Variants in BOP1 observed in about 807,000 individuals in gnomAD.
The protein encoded by BOP1 is ribosome biogenesis protein BOP1.
A neutral mutation model predicts 82.9 loss-of-function variants in BOP1; 54 were observed. The observed-to-expected ratio is 0.65, with a 90% CI of 0.52 to 0.82. The LOEUF is 0.82. Among genes scored for constraint, BOP1 ranks in the 40% least tolerant of loss-of-function variants. The pLI is 0.00. For synonymous variants in BOP1, 566 were observed against 451.1 expected (o/e 1.25, Z -3.23); for missense variants, 1,170 against 1,072.0 (o/e 1.09, Z -1.28).
chr8:144,271,530 C>G (rs942452174), intron 3 of BOP1, among the ~76,000 whole-genome samples: 2 of 152,104 alleles, frequency 1.3e-5, no homozygotes, highest in Non-Finnish European at 2.9e-5. Flanking sequence ...TGTCTCGGAG[C>G]GCCACACGGC....
Position 144,264,001 on chromosome 8 carries a change from G to A in BOP1, c.1120C>T (p.Pro374Ser), listed in dbSNP as rs1295980578. ...FERCLDLYLCPRQRKMRVNVD... is the reference protein window; with the variant it reads ...FERCLDLYLCSRQRKMRVNVD... ...CACACCCTCATCTTGCGCTGCCGTG[G>A]GCACAGGTACAGGTCAAGGCAGCGC... is the stretch of plus-strand genomic sequence containing the variant. Residue 374 changes from proline to serine, a missense_variant, in exon 8 of 16, where the codon CCA (proline) becomes TCA (serine). Coordinates refer to ENST00000569669, the MANE Select transcript of BOP1 (RefSeq NM_015201.5). The A allele has an allele frequency of 9.9e-6, 16 of 1,609,280 alleles. No individual in the cohort carries two copies. Among genetic ancestry groups the A allele is most frequent in the Non-Finnish European group, 1.4e-5 (16 of 1,179,788 alleles).
Position 144,289,191 on chromosome 8 carries a change from A to G in BOP1, c.213T>C (p.Ser71=), listed in dbSNP as rs560509493. The change falls in exon 2 of 16, where the codon AGT becomes AGC. Residue 71 remains serine (S), a synonymous_variant. Coordinates refer to ENST00000569669, the MANE Select transcript of BOP1 (RefSeq NM_015201.5). ...CCTCGTCGCCTTCGTCATCATCCTC[A>G]CTGCTGTCACTGCCGGAATCTTCCA... ...SGLEDSGSDS[S]EDDDEGDEEG... is the part of the protein sequence containing the mutation. 1.2e-6 allele frequency: 2 copies of G among 1,613,912 alleles called. No homozygotes were observed. The highest frequency in any genetic ancestry group is 1.7e-5 in the Admixed American group (1 of 59,994).
intron 2 of BOP1, among the ~76,000 whole-genome samples, chr8:144,277,752 C>G (rs1845589701): frequency 1.2e-5 from 1 of 84,484 alleles, no homozygotes; most frequent in African/African-American, 2.9e-5. Context: ...CAGAGTCCAC[C>G]AGGGGGCGAC....
At position 144,262,836 on chromosome 8, in the gene BOP1, C is replaced by T. The variant is rs1554836636; in HGVS notation, c.1894+17G>A. The T allele has an allele frequency of 1.1e-6, 1 of 933,364 alleles. No homozygotes were observed. The highest frequency in any genetic ancestry group is 2.6e-5 in the Admixed American group (1 of 38,110). The allele number at this position is 933,364 out of a possible 1,614,324, so 57.8% of individuals were successfully genotyped here. A position where few individuals can be genotyped will look rare whatever the true frequency, so the allele number is the denominator to read the frequency against. On this transcript the variant is annotated intron_variant, in intron 13 of 15. Coordinates refer to ENST00000569669, the MANE Select transcript of BOP1 (RefSeq NM_015201.5). ...CCCCACCCCTCACCTGCAGGGTGCA[C>T]CGCCCCCACCCCTCACCTGCAGGGT... is the stretch of plus-strand genomic sequence containing the variant.
At position 144,263,119 on chromosome 8, in the gene BOP1, T is replaced by A; in HGVS notation, c.1628A>T (p.His543Leu). 1.3e-6 allele frequency: 2 copies of A among 1,593,830 alleles called. No individual in the cohort carries two copies. The highest frequency in any genetic ancestry group is 1.7e-6 in the Non-Finnish European group (2 of 1,178,848). ...HGKPVTQVTW[H>L]GRGDYLAVVL... ...CACGGCCAGGTAGTCCCCACGCCCG[T>A]GCCAGGTCACCTGCGTCACTGGCTG... The change falls in exon 13 of 16, where the codon CAC becomes CTC. Residue 543 changes from histidine (H) to leucine (L), a missense_variant. Transcript: ENST00000569669.
chr8:144,267,204 G>C, intron 3 of BOP1: 9 of 1,493,364 alleles, frequency 6.0e-6, no homozygotes, highest in Non-Finnish European at 7.9e-6. Flanking sequence ...GTGGGGCGCC[G>C]AGGGGGGCCT....
At position 144,264,903 on chromosome 8, in the gene BOP1, C is replaced by A. The variant is rs1845320498; in HGVS notation, c.545+14G>T. ...GCCCACCCCGGCTGCTGGCCCCACC[C>A]CACCAGCCCTCACCAGTAGTCAGGA... On this transcript the variant is annotated intron_variant, in intron 4 of 15. Transcript: ENST00000569669. 1 of 1,611,032 alleles carries A rather than the reference C, an allele frequency of 6.2e-7. No individual in the cohort carries two copies. Among genetic ancestry groups the A allele is most frequent in the Non-Finnish European group, 8.5e-7 (1 of 1,179,576 alleles).
chr8:144,289,726 C>G (rs1199704389), intron 1 of BOP1, among the ~76,000 whole-genome samples: 7 of 152,176 alleles, frequency 4.6e-5, no homozygotes, highest in African/African-American at 1.7e-4. Flanking sequence ...ACACCTCACC[C>G]TGGCATCCAA....
chr8:144,262,811 C>CT, intron 13 of BOP1, 42 bp downstream of exon 13: 1 of 652,102 alleles, frequency 1.5e-6, no homozygotes, highest in Non-Finnish European at 2.4e-6. Flanking sequence ...CCGCCCCCCC[C>CT]CCCACCCCTC....
chr8:144,277,224 C>A (rs1261193436), intron 2 of BOP1, among the ~76,000 whole-genome samples: 1 of 149,382 alleles, frequency 6.7e-6, no homozygotes, highest in Non-Finnish European at 1.5e-5. Flanking sequence ...TTTTTTCCTT[C>A]AATATAAAGA....
At chr8:144,267,828 G>A (rs891294847) in intron 3 of BOP1, among the ~76,000 whole-genome samples, 3 of 152,228 alleles carry the variant, frequency 2.0e-5, no homozygotes, top group East Asian at 3.8e-4. Flanking sequence ...GGGTGAGCAG[G>A]GAGAAAATAC....
intron 3 of BOP1, among the ~76,000 whole-genome samples, chr8:144,267,483 C>T (rs1011608863): frequency 1.1e-4 from 16 of 152,312 alleles, no homozygotes; most frequent in Middle Eastern, 6.8e-3. Context: ...TGGACCAGGC[C>T]GCTGCAAGCT....
intron 1 of BOP1, among the ~76,000 whole-genome samples, chr8:144,290,141 C>T (rs893975631): frequency 7.9e-5 from 12 of 152,022 alleles, no homozygotes; most frequent in Admixed American, 6.6e-4. Context: ...GGTGGATCAC[C>T]TGAGGTCAGG....
chr8:144,263,819 G>C lies in BOP1; in HGVS notation c.1221+12C>G. 2 of 1,610,630 alleles carry C rather than the reference G, an allele frequency of 1.2e-6. No homozygotes were observed. Among genetic ancestry groups the C allele is most frequent in the Non-Finnish European group, 1.7e-6 (2 of 1,179,508 alleles). On this transcript the variant is annotated intron_variant, in intron 9 of 15. Transcript: ENST00000569669. Reference sequence around the variant, plus strand: ...GGGAGGGTGCAACCCCAGCCCCCTAGTCTCCACTTACCAGGGCCTGGCACG... The same window carrying C: ...GGGAGGGTGCAACCCCAGCCCCCTACTCTCCACTTACCAGGGCCTGGCACG...
In BOP1 at chr8:144,289,840, C is replaced by T. The variant is rs571084376; in HGVS notation, c.100-536G>A. Among the ~76,000 whole-genome samples the T allele has an allele frequency of 9.2e-5, 14 of 152,312 alleles. No homozygotes were observed. The East Asian group carries it at 2.3e-3, about 25-fold the overall frequency. ...TGAAGCAGACGCCTCCTCATTTAACCAGATTGGGACCAACGATTGATCAGT... is the reference window on the plus strand; with the variant it reads ...TGAAGCAGACGCCTCCTCATTTAACTAGATTGGGACCAACGATTGATCAGT... On this transcript the variant is annotated intron_variant, in intron 1 of 15. Transcript: ENST00000569669.
chr8:144,289,071 C>G, intron 2 of BOP1, 24 bp downstream of exon 2: 2 of 1,613,424 alleles, frequency 1.2e-6, no homozygotes, highest in Non-Finnish European at 1.7e-6. Flanking sequence ...GGACAGCCCT[C>G]GAGGGGGCTC....
intron 3 of BOP1, among the ~76,000 whole-genome samples, chr8:144,274,052 TGAG>T (rs1417003858): frequency 1.3e-5 from 2 of 152,018 alleles, no homozygotes; most frequent in Non-Finnish European, 2.9e-5. Flanking sequence ...GGAAGTGGCC[TGAG>T]GAGAAGGGGA....
At chr8:144,276,954 G>C (rs921283904) in intron 2 of BOP1, among the ~76,000 whole-genome samples, 1 of 152,340 alleles carries the variant, frequency 6.6e-6, no homozygotes, top group East Asian at 1.9e-4. Flanking sequence ...ACCCCATCCC[G>C]CCGGGTCACA....
At chr8:144,277,348 C>A (rs1267018895) in intron 2 of BOP1, among the ~76,000 whole-genome samples, 5 of 152,262 alleles carry the variant, frequency 3.3e-5, no homozygotes, top group Admixed American at 1.3e-4. Flanking sequence ...AGCTCTTGCC[C>A]CTGCCTGGAG....
Sources: allele counts gnomAD v4.1 joint callset (sites outside exome capture counted in the v4.1 genomes callset), GRCh38; gene constraint gnomAD v4.1.1; transcripts MANE v1.5; gene names NCBI Gene and HGNC (gene_info 2026-07-23, HGNC 2026-07-21).